GSG1L: variants seen among roughly 807,000 people sequenced by gnomAD.
The protein encoded by GSG1L is germ cell-specific gene 1-like protein.
A neutral mutation model predicts 42.1 loss-of-function variants in GSG1L; 24 were observed. The observed-to-expected ratio is 0.57, with a 90% CI of 0.41 to 0.80. The LOEUF (loss-of-function observed/expected upper bound fraction) is 0.80, where lower values mean the gene tolerates loss of function less well. Among genes scored for constraint, GSG1L ranks in the 30% least tolerant of loss-of-function variants. GSG1L has a pLI of 0.00. For missense variants in GSG1L, 445 were observed against 472.2 expected (o/e 0.94, Z 0.53); for synonymous variants, 215 against 203.5 (o/e 1.06, Z -0.48).
chr16:27,803,780 T>TAATTAG (rs1357467124), intron 6 of GSG1L, among the ~76,000 whole-genome samples: 2 of 83,126 alleles, frequency 2.4e-5, no homozygotes, highest in African/African-American at 1.0e-4. Context: ...TATATATATA[T>TAATTAG]ATATATATAT....
intron 5 of GSG1L, among the ~76,000 whole-genome samples, chr16:27,827,880 A>G (rs1482627120): frequency 8.1e-6 from 1 of 123,854 alleles, no homozygotes; most frequent in Non-Finnish European, 1.8e-5. Context: ...CCATCCATCC[A>G]TCCATCCATC....
chr16:27,908,110 G>A lies in GSG1L; in HGVS notation c.398-23472C>T, dbSNP rs376845614. On this transcript the variant is annotated intron_variant, in intron 2 of 6. Coordinates refer to ENST00000447459, the MANE Select transcript of GSG1L (RefSeq NM_001109763.2). ...TTGCTTTGGCCAATGGGATGTTAGC[G>A]GATGAGACACAAGCACATTGCACAA... is the stretch of plus-strand genomic sequence containing the variant. Among the ~76,000 whole-genome samples, 58 of 152,298 alleles carry A rather than the reference G, an allele frequency of 3.8e-4. 1 individual carries two copies. The South Asian group carries it at 0.011, about 29-fold the overall frequency.
chr16:27,937,433 G>C (rs1371192822), intron 2 of GSG1L, among the ~76,000 whole-genome samples: 4 of 110,108 alleles, frequency 3.6e-5, no homozygotes, highest in South Asian at 5.2e-4. Context: ...GTACAGACAG[G>C]GTTTCACCAT....
intron 3 of GSG1L, among the ~76,000 whole-genome samples, chr16:27,853,824 G>C (rs2083542930): frequency 6.6e-6 from 1 of 152,188 alleles, no homozygotes; most frequent in East Asian, 1.9e-4. Context: ...GGGGTTCAGA[G>C]TGATCCCAGA....
intron 3 of GSG1L, among the ~76,000 whole-genome samples, chr16:27,869,422 C>T (rs2141008649): frequency 6.6e-6 from 1 of 151,082 alleles, no homozygotes; most frequent in South Asian, 2.1e-4. Flanking sequence ...CTTTTTCTCT[C>T]ACTTCCTTCT....
intron 2 of GSG1L, among the ~76,000 whole-genome samples, chr16:27,910,601 G>A (rs2141051754): frequency 6.6e-6 from 1 of 152,314 alleles, no homozygotes; most frequent in African/African-American, 2.4e-5. Context: ...CATGGATGAT[G>A]AACTGCATGG....
intron 5 of GSG1L, among the ~76,000 whole-genome samples, chr16:27,808,447 C>T (rs2082993502): frequency 6.7e-6 from 1 of 148,390 alleles, no homozygotes; most frequent in African/African-American, 2.5e-5. Context: ...GACATGGAGT[C>T]TCGCTCTGTT....
At chr16:27,925,050 T>A (rs184652410) in intron 2 of GSG1L, among the ~76,000 whole-genome samples, 33 of 152,262 alleles carry the variant, frequency 2.2e-4, no homozygotes, top group African/African-American at 7.9e-4. Flanking sequence ...AGGAGCTCAT[T>A]CCCCAAGAGT....
At chr16:27,869,373 A>G (rs2083773185) in intron 3 of GSG1L, among the ~76,000 whole-genome samples, 1 of 151,424 alleles carries the variant, frequency 6.6e-6, no homozygotes, top group Admixed American at 6.6e-5. Flanking sequence ...ATGTCGGCCC[A>G]TTTGCTGCTG....
intron 6 of GSG1L, among the ~76,000 whole-genome samples, chr16:27,804,410 C>T (rs929264483): frequency 6.6e-6 from 1 of 152,088 alleles, no homozygotes; most frequent in Non-Finnish European, 1.5e-5. Flanking sequence ...TTTCTCAGAG[C>T]GCTGACTCTG....
chr16:27,925,128 A>G (rs1288216657), intron 2 of GSG1L, among the ~76,000 whole-genome samples: 1 of 152,228 alleles, frequency 6.6e-6, no homozygotes, highest in African/African-American at 2.4e-5. Context: ...TTAGGGAGAC[A>G]GCTCACAGTA....
chr16:27,897,669 G>C (rs1261715452), intron 2 of GSG1L, among the ~76,000 whole-genome samples: 1 of 152,124 alleles, frequency 6.6e-6, no homozygotes, highest in Non-Finnish European at 1.5e-5. Flanking sequence ...CCCCCACCAT[G>C]GCCCCTAGAT....
At chr16:27,830,641 T>C (rs2083264549) in intron 4 of GSG1L, among the ~76,000 whole-genome samples, 1 of 152,178 alleles carries the variant, frequency 6.6e-6, no homozygotes, top group Admixed American at 6.5e-5. Flanking sequence ...AGCTTCCCTG[T>C]CCACCAAAGT....
chr16:27,895,460 C>A lies in GSG1L; in HGVS notation c.398-10822G>T, dbSNP rs1488916980. 2.0e-5 allele frequency among the ~76,000 whole-genome samples: 3 copies of A among 152,280 alleles called. No homozygotes were observed. In the East Asian group the frequency reaches 5.8e-4, roughly 29 times the overall value. ...TATCTCCGATACTGCAGCCGTGCAA[C>A]ATTTTAAGACCCTGTATGGACCCCT... On this transcript the variant is annotated intron_variant, in intron 2 of 6. Coordinates refer to ENST00000447459, the MANE Select transcript of GSG1L (RefSeq NM_001109763.2).
intron 1 of GSG1L, among the ~76,000 whole-genome samples, chr16:28,019,071 G>A (rs960740309): frequency 1.3e-5 from 2 of 152,122 alleles, no homozygotes; most frequent in African/African-American, 2.4e-5. Flanking sequence ...TGTCAGAGGC[G>A]TTTGAACCAC....
Position 28,063,569 on chromosome 16 carries a change from C to T in GSG1L, c.-145G>A. On this transcript the variant is annotated 5_prime_UTR_variant, in exon 1 of 7. Transcript: ENST00000447459. The surrounding 1 kb of genome is among the most constrained non-coding windows in gnomAD (Gnocchi z 5.8). Reference sequence around the variant, plus strand: ...TCGGCGGCGGCGGACGCGGCGCGGGCCCATGCCCCCCCCAACCCCGGGGTG... The same window carrying T: ...TCGGCGGCGGCGGACGCGGCGCGGGTCCATGCCCCCCCCAACCCCGGGGTG... 1 of 260,742 alleles carries T rather than the reference C, an allele frequency of 3.8e-6. No homozygotes were observed. Among genetic ancestry groups the T allele is most frequent in the Non-Finnish European group, 6.0e-6 (1 of 166,352 alleles). 16.2% of individuals were successfully genotyped at this position (260,742 alleles called of 1,614,324 possible). A position where few individuals can be genotyped will look rare whatever the true frequency, so the allele number is the denominator to read the frequency against.
At chr16:28,010,228 G>C (rs1045484560) in intron 1 of GSG1L, among the ~76,000 whole-genome samples, 6 of 152,144 alleles carry the variant, frequency 3.9e-5, no homozygotes, top group Non-Finnish European at 7.3e-5. Flanking sequence ...ATCCTCAGAC[G>C]CTCTTTGAGA....
chr16:28,041,177 G>A (rs1472617820), intron 1 of GSG1L, among the ~76,000 whole-genome samples: 1 of 152,150 alleles, frequency 6.6e-6, no homozygotes, highest in African/African-American at 2.4e-5. Flanking sequence ...GAGTCTGGGT[G>A]TGCTGGCTCA....
At chr16:27,990,565 C>A (rs1596680128) in intron 1 of GSG1L, among the ~76,000 whole-genome samples, 1 of 152,126 alleles carries the variant, frequency 6.6e-6, no homozygotes, top group African/African-American at 2.4e-5. Context: ...TTATGGTTCC[C>A]TTGCAAGATT....
Sources: allele counts gnomAD v4.1 joint callset (sites outside exome capture counted in the v4.1 genomes callset), GRCh38; gene constraint gnomAD v4.1.1; non-coding constraint Gnocchi (gnomAD v3.1); transcripts MANE v1.5; gene names NCBI Gene and HGNC (gene_info 2026-07-23, HGNC 2026-07-21).